PRKCB: variants seen among roughly 807,000 people sequenced by gnomAD.
PRKCB encodes protein kinase C beta type.
PRKCB carries 13 observed loss-of-function variants against 81.5 expected under a neutral mutation model. The observed-to-expected ratio is 0.16, with a 90% CI of 0.10 to 0.25. PRKCB has a LOEUF of 0.25. PRKCB is among the 10% of genes least tolerant of loss of function. The pLI, the probability that PRKCB is intolerant of heterozygous loss-of-function variation, is 1.00. For missense variants in PRKCB, 509 were observed against 875.7 expected (o/e 0.58, Z 5.29); for synonymous variants, 335 against 321.4 (o/e 1.04, Z -0.45).
At chr16:24,096,978 T>C (rs1316617397) in intron 7 of PRKCB, among the ~76,000 whole-genome samples, 2 of 151,380 alleles carry the variant, frequency 1.3e-5, no homozygotes, top group Non-Finnish European at 2.9e-5. Flanking sequence ...CATCTTTCCT[T>C]TCCATTGTTC....
rs1186662271 is a variant in PRKCB at position 24,217,875 on chromosome 16, C to G, written c.*3059C>G. ...TTAGGGGCCCTAACACAGTTCAGTT[C>G]ATACAGGGGTTCAAAAGGGACAGTG... On this transcript the variant is annotated 3_prime_UTR_variant, in exon 17 of 17. Transcript: ENST00000643927. 7 of 985,410 alleles carry G rather than the reference C, an allele frequency of 7.1e-6. No homozygotes were observed. Among genetic ancestry groups the G allele is most frequent in the Non-Finnish European group, 8.4e-6 (7 of 829,936 alleles). 61.0% of individuals were successfully genotyped at this position (985,410 alleles called of 1,614,324 possible).
Position 23,988,556 on chromosome 16 carries a change from C to G in PRKCB, c.254C>G (p.Ser85Cys). 1 of 1,614,148 alleles carries G rather than the reference C, an allele frequency of 6.2e-7. No individual in the cohort carries two copies. Among genetic ancestry groups the G allele is most frequent in the Non-Finnish European group, 8.5e-7 (1 of 1,180,004 alleles). Residue 85 changes from serine (S) to cysteine (C), a missense_variant, in exon 3 of 17, where the codon TCC becomes TGC. This residue lies in a region of PRKCB where 184 missense variants were observed against 362.9 expected (regional missense o/e 0.51). Transcript: ENST00000643927. ...CGGTGCCATGAATTTGTCACATTCTCCTGCCCTGGCGCTGACAAGGGTCCA... is the reference window on the plus strand; with the variant it reads ...CGGTGCCATGAATTTGTCACATTCTGCTGCCCTGGCGCTGACAAGGGTCCA... Reference protein sequence around the residue: ...HKRCHEFVTFSCPGADKGPAS... With the variant: ...HKRCHEFVTFCCPGADKGPAS...
intron 2 of PRKCB, among the ~76,000 whole-genome samples, chr16:23,981,786 C>T (rs1452916233): frequency 4.0e-5 from 1 of 25,174 alleles, no homozygotes. Flanking sequence ...CCCTTCCCTT[C>T]CCCTTCCCTT....
rs544361894 is a variant in PRKCB, at chr16:24,214,998, T to C, written c.*182T>C. ...TTTGGAGCATCTCTATGAGATGGGATTATGCAGATGGCCTATGGAAAATGC... is the reference window on the plus strand; with the variant it reads ...TTTGGAGCATCTCTATGAGATGGGACTATGCAGATGGCCTATGGAAAATGC... On this transcript the variant is annotated 3_prime_UTR_variant, in exon 17 of 17. Coordinates refer to ENST00000643927, the MANE Select transcript of PRKCB (RefSeq NM_002738.7). 5.3e-5 allele frequency: 75 copies of C among 1,411,084 alleles called. No individual in the cohort carries two copies. In the South Asian group the frequency reaches 1.1e-3, roughly 21 times the overall value. The allele number at this position is 1,411,084 out of a possible 1,614,324, so 87.4% of individuals were successfully genotyped here. A position where few individuals can be genotyped will look rare whatever the true frequency, so the allele number is the denominator to read the frequency against.
chr16:23,894,169 G>A (rs1315695064), intron 2 of PRKCB, among the ~76,000 whole-genome samples: 3 of 152,226 alleles, frequency 2.0e-5, no homozygotes, highest in Non-Finnish European at 4.4e-5. Flanking sequence ...GAGCAGCAAG[G>A]AGGCAAACCC....
intron 9 of PRKCB, among the ~76,000 whole-genome samples, chr16:24,124,763 A>G (rs1202452159): frequency 3.3e-5 from 5 of 152,146 alleles, no homozygotes; most frequent in Non-Finnish European, 1.5e-5. Flanking sequence ...GTGTGCAAAA[A>G]ATATAAATTT....
chr16:23,905,793 C>T (rs1227707271), intron 2 of PRKCB, among the ~76,000 whole-genome samples: 1 of 152,148 alleles, frequency 6.6e-6, no homozygotes, highest in African/African-American at 2.4e-5. Context: ...TCTGTACCCA[C>T]CCCATTTTTC....
Position 24,016,748 on chromosome 16 carries a change from C to A in PRKCB, c.289-15388C>A, listed in dbSNP as rs773915468. Among the ~76,000 whole-genome samples the A allele has an allele frequency of 3.9e-5, 6 of 152,288 alleles. No individual in the cohort carries two copies. The East Asian group carries it at 1.2e-3, about 29-fold the overall frequency. ...CATGTGAATTCCACCCCTAGCTCCC[C>A]CAATCTGTTTTTCTCCTGGCAGCCG... On this transcript the variant is annotated intron_variant, in intron 3 of 16. Transcript: ENST00000643927.
intron 13 of PRKCB, among the ~76,000 whole-genome samples, chr16:24,181,771 C>CAAAAAAAA (rs71154286): frequency 0.022 from 533 of 24,544 alleles, 135 homozygotes; most frequent in African/African-American, 0.084. Context: ...GACCCTGTCT[C>CAAAAAAAA]AAAAAAAAAA....
intron 10 of PRKCB, among the ~76,000 whole-genome samples, chr16:24,169,381 T>G (rs1284584396): frequency 2.0e-5 from 3 of 152,154 alleles, no homozygotes. Flanking sequence ...TTCGCATTAG[T>G]CCATTTCTTT....
At chr16:24,168,510 C>T (rs922350947) in intron 10 of PRKCB, among the ~76,000 whole-genome samples, 2 of 134,566 alleles carry the variant, frequency 1.5e-5, no homozygotes, top group Non-Finnish European at 3.3e-5. Flanking sequence ...ATTTCCATTT[C>T]ATCATTTCAT....
intron 9 of PRKCB, among the ~76,000 whole-genome samples, chr16:24,149,437 T>C (rs1967043165): frequency 1.3e-5 from 2 of 152,198 alleles, no homozygotes; most frequent in Admixed American, 1.3e-4. Context: ...GAAAGTTTTC[T>C]CTCATCCTAT....
chr16:24,219,099 C>G lies in PRKCB; in HGVS notation c.*4283C>G. On this transcript the variant is annotated 3_prime_UTR_variant, in exon 17 of 17. Transcript: ENST00000643927. ...AAGAGGTCGGAGCATCATACAGATT[C>G]CTTTATTAGCCCACATTCTGATGTT... 1 of 985,404 alleles carries G rather than the reference C, an allele frequency of 1.0e-6. No individual in the cohort carries two copies. Among genetic ancestry groups the G allele is most frequent in the Non-Finnish European group, 1.2e-6 (1 of 829,954 alleles). 61.0% of individuals were successfully genotyped at this position (985,404 alleles called of 1,614,324 possible). A position where few individuals can be genotyped will look rare whatever the true frequency, so the allele number is the denominator to read the frequency against.
chr16:23,987,737 C>T (rs1290357604), intron 2 of PRKCB, among the ~76,000 whole-genome samples: 11 of 152,096 alleles, frequency 7.2e-5, no homozygotes. Flanking sequence ...CCTCCAGAAA[C>T]CCGCAGTCTA....
chr16:24,154,593 A>G (rs1201108159), intron 9 of PRKCB, 91 bp from the exon 10 acceptor site: 3 of 1,306,598 alleles, frequency 2.3e-6, no homozygotes, highest in Non-Finnish European at 3.2e-6. Flanking sequence ...ACCTATACAA[A>G]GCTAAGTGTG....
chr16:24,021,272 CTTT>C (rs1965390002), intron 3 of PRKCB, among the ~76,000 whole-genome samples: 1 of 114,812 alleles, frequency 8.7e-6, no homozygotes, highest in Non-Finnish European at 1.7e-5. Context: ...CTTTCTTTTT[CTTT>C]CTTTTCTCCC....
At position 24,073,665 on chromosome 16, in the gene PRKCB, A is replaced by G. The variant is rs568937445; in HGVS notation, c.530-19126A>G. ...TTTAAATGTCTCAGTCTAAAGTTCA[A>G]TATTCATCCCCTAGCCCCTAAGCCA... On this transcript the variant is annotated intron_variant, in intron 5 of 16. Transcript: ENST00000643927. Among the ~76,000 whole-genome samples the G allele has an allele frequency of 3.9e-5, 6 of 152,262 alleles. No homozygotes were observed. In the South Asian group the frequency reaches 1.0e-3, roughly 26 times the overall value.
intron 2 of PRKCB, among the ~76,000 whole-genome samples, chr16:23,896,597 T>G (rs1411001336): frequency 6.6e-6 from 1 of 152,126 alleles, no homozygotes; most frequent in Non-Finnish European, 1.5e-5. Flanking sequence ...ATGCTTTTTG[T>G]GAAGGTGACA....
intron 8 of PRKCB, among the ~76,000 whole-genome samples, chr16:24,120,743 TTTTC>T (rs1412590333): frequency 4.6e-5 from 7 of 151,594 alleles, no homozygotes; most frequent in Non-Finnish European, 1.0e-4. Context: ...CATCATTTTT[TTTTC>T]TTTTAAGACA....
Sources: allele counts gnomAD v4.1 joint callset (sites outside exome capture counted in the v4.1 genomes callset), GRCh38; gene constraint gnomAD v4.1.1; regional missense constraint gnomAD v4.1.1; transcripts MANE v1.5; gene names NCBI Gene and HGNC (gene_info 2026-07-23, HGNC 2026-07-21).